Variants in TUSC3 observed in about 807,000 individuals in gnomAD.
TUSC3 encodes the protein dolichyl-diphosphooligosaccharide--protein glycosyltransferase subunit TUSC3.
A neutral mutation model predicts 44.8 loss-of-function variants in TUSC3; 45 were observed. The ratio of observed to expected loss-of-function variants is 1.00; its 90% CI spans 0.79 to 1.29. The LOEUF (loss-of-function observed/expected upper bound fraction) is 1.29, where lower values mean the gene tolerates loss of function less well. Ranked by LOEUF, TUSC3 falls within the 50% of genes most tolerant of loss-of-function variation. TUSC3 has a pLI of 0.00. For missense variants in TUSC3, 519 were observed against 437.9 expected (o/e 1.19, Z -1.65); for synonymous variants, 212 against 152.9 (o/e 1.39, Z -2.85).
the TUSC3 span, among the ~76,000 whole-genome samples, chr8:15,821,176 G>C: frequency 6.6e-6 from 1 of 152,066 alleles, no homozygotes; most frequent in African/African-American, 2.4e-5. Flanking sequence ...ATTCTGGGTT[G>C]ACAGTTATTT....
intron 1 of TUSC3, among the ~76,000 whole-genome samples, chr8:15,441,401 T>A (rs1336679725): frequency 2.0e-5 from 3 of 151,906 alleles, no homozygotes; most frequent in East Asian, 1.9e-4. Flanking sequence ...AGCGAGACTC[T>A]CTCAAAAAAA....
chr8:15,622,181 A>G (rs941809753), intron 1 of TUSC3, among the ~76,000 whole-genome samples: 3 of 152,134 alleles, frequency 2.0e-5, no homozygotes, highest in Admixed American at 6.5e-5. Context: ...GCTTGGTTTT[A>G]AAATGGCAGG....
intron 6 of TUSC3, among the ~76,000 whole-genome samples, chr8:15,687,680 G>T (rs1808697571): frequency 1.3e-5 from 2 of 152,068 alleles, no homozygotes; most frequent in African/African-American, 4.8e-5. Flanking sequence ...CTATGATCCT[G>T]CCAATTAATT....
intron 2 of TUSC3, among the ~76,000 whole-genome samples, chr8:15,648,787 G>T (rs1806752568): frequency 8.5e-6 from 1 of 117,734 alleles, no homozygotes; most frequent in South Asian, 3.2e-4. Flanking sequence ...GCATCATCTT[G>T]TTATCACGTA....
the TUSC3 span, among the ~76,000 whole-genome samples, chr8:15,848,323 A>G: frequency 1.3e-5 from 2 of 152,196 alleles, no homozygotes; most frequent in East Asian, 3.9e-4. Flanking sequence ...GAATGTGCTG[A>G]CAATACAGCA....
At chr8:15,477,252 G>A (rs1190265404) in intron 1 of TUSC3, among the ~76,000 whole-genome samples, 1 of 152,086 alleles carries the variant, frequency 6.6e-6, no homozygotes, top group South Asian at 2.1e-4. Flanking sequence ...TGTCTATGAG[G>A]TTAAATGGTG....
rs767512617 is a variant in TUSC3, at chr8:15,687,831, A to G, written c.798+13995A>G. ...CTCAGATTGTATCTTTAGCCTTTCA[A>G]AATGTTAAGTATATCAGAAAAAAAT... On this transcript the variant is annotated intron_variant, in intron 6 of 10. Coordinates refer to ENST00000503731, the MANE Select transcript of TUSC3 (RefSeq NM_006765.4). 1.8e-4 allele frequency among the ~76,000 whole-genome samples: 28 copies of G among 152,218 alleles called. 1 individual carries two copies. The highest frequency in any genetic ancestry group is 7.3e-5 in the Non-Finnish European group (5 of 68,034).
intron 2 of TUSC3, among the ~76,000 whole-genome samples, chr8:15,647,564 C>T (rs1256332401): frequency 1.3e-5 from 2 of 152,166 alleles, no homozygotes; most frequent in African/African-American, 4.8e-5. Flanking sequence ...CAGACTACAG[C>T]TTCTTTACGT....
intron 2 of TUSC3, among the ~76,000 whole-genome samples, chr8:15,526,715 C>T (rs1801377375): frequency 6.6e-6 from 1 of 152,202 alleles, no homozygotes; most frequent in Admixed American, 6.5e-5. Context: ...TTATAAGTTA[C>T]CCAGTCTCAG....
the TUSC3 span, among the ~76,000 whole-genome samples, chr8:15,785,464 T>A: frequency 6.6e-6 from 1 of 152,042 alleles, no homozygotes; most frequent in African/African-American, 2.4e-5. Context: ...CTTTTTTTTT[T>A]TTTCTATTCA....
intron 9 of TUSC3, among the ~76,000 whole-genome samples, chr8:15,749,364 G>GA (rs968870088): frequency 5.3e-5 from 8 of 152,112 alleles, no homozygotes; most frequent in African/African-American, 1.2e-4. Context: ...CTTTATCAGG[G>GA]AAAAAACTAA....
chr8:15,715,719 C>G (rs1436443571), intron 6 of TUSC3, among the ~76,000 whole-genome samples: 1 of 151,688 alleles, frequency 6.6e-6, no homozygotes. Flanking sequence ...AATTATTTCA[C>G]ATTTTTCTAG....
At chr8:15,491,509 A>C (rs1220071579) in intron 2 of TUSC3, among the ~76,000 whole-genome samples, 1 of 152,192 alleles carries the variant, frequency 6.6e-6, no homozygotes, top group African/African-American at 2.4e-5. Context: ...TAGGTAACTA[A>C]GGCATGAAGA....
intron 10 of TUSC3, among the ~76,000 whole-genome samples, chr8:15,760,260 A>G (rs1304014720): frequency 6.6e-6 from 1 of 152,122 alleles, no homozygotes; most frequent in African/African-American, 2.4e-5. Flanking sequence ...CAGGTCATCA[A>G]ATGTCATCAG....
chr8:15,649,130 A>G (rs1179593936), intron 2 of TUSC3, among the ~76,000 whole-genome samples: 1 of 152,072 alleles, frequency 6.6e-6, no homozygotes, highest in Admixed American at 6.6e-5. Context: ...TTCCATTTTC[A>G]TGTTTTCTGA....
intron 2 of TUSC3, among the ~76,000 whole-genome samples, chr8:15,638,906 G>T (rs1806221246): frequency 6.6e-6 from 1 of 151,816 alleles, no homozygotes; most frequent in Non-Finnish European, 1.5e-5. Flanking sequence ...CTTCAGTGAT[G>T]ATGATCATGT....
At chr8:15,816,272 G>A in the TUSC3 span, among the ~76,000 whole-genome samples, 1 of 152,150 alleles carries the variant, frequency 6.6e-6, no homozygotes, top group African/African-American at 2.4e-5. Context: ...AGAGGGGATA[G>A]TGGAAAGGCT....
intron 2 of TUSC3, among the ~76,000 whole-genome samples, chr8:15,492,205 A>C (rs543500774): frequency 6.6e-6 from 1 of 152,262 alleles, no homozygotes; most frequent in African/African-American, 2.4e-5. Context: ...GAAGAATCTG[A>C]ATCTTACTTG....
chr8:15,639,324 G>A (rs76441623), intron 2 of TUSC3, among the ~76,000 whole-genome samples: 1 of 152,130 alleles, frequency 6.6e-6, no homozygotes, highest in Non-Finnish European at 1.5e-5. Flanking sequence ...GCTAGATCAC[G>A]TGATGTTCAG....
Sources: allele counts gnomAD v4.1 joint callset (sites outside exome capture counted in the v4.1 genomes callset), GRCh38; gene constraint gnomAD v4.1.1; transcripts MANE v1.5; gene names NCBI Gene and HGNC (gene_info 2026-07-23, HGNC 2026-07-21).